The following GRM8 variants were observed in gnomAD, a reference collection of about 807,000 sequenced individuals.
GRM8 encodes glutamate metabotropic receptor 8, also known as metabotropic glutamate receptor 8.
Under a neutral mutation model 87.2 loss-of-function variants are expected in GRM8, and 47 were observed. That is an observed-to-expected ratio of 0.54 (90% CI 0.43 to 0.69). The LOEUF (loss-of-function observed/expected upper bound fraction) is 0.69. Among genes scored for constraint, GRM8 ranks in the 30% least tolerant of loss-of-function variants. The pLI is 0.00. For missense variants in GRM8, 1,019 were observed against 1,139.2 expected (o/e 0.89, Z 1.52); for synonymous variants, 396 against 404.5 (o/e 0.98, Z 0.25).
chr7:126,930,462 C>A (rs980324427), intron 3 of GRM8, among the ~76,000 whole-genome samples: 4 of 152,164 alleles, frequency 2.6e-5, no homozygotes, highest in South Asian at 2.1e-4. Context: ...TCTGGTCTTG[C>A]CGAGTCCTCC....
chr7:126,629,866 T>C (rs1801081659), intron 7 of GRM8, among the ~76,000 whole-genome samples: 1 of 152,150 alleles, frequency 6.6e-6, no homozygotes, highest in Non-Finnish European at 1.5e-5. Context: ...AAAATTGCTG[T>C]CAATTAAAAA....
intron 8 of GRM8, among the ~76,000 whole-genome samples, chr7:126,599,470 T>G (rs1797528514): frequency 6.6e-6 from 1 of 152,174 alleles, no homozygotes; most frequent in Admixed American, 6.6e-5. Flanking sequence ...AATTTATTCA[T>G]GAACATTTAG....
At chr7:126,803,390 C>T (rs1446037975) in intron 6 of GRM8, among the ~76,000 whole-genome samples, 1 of 152,114 alleles carries the variant, frequency 6.6e-6, no homozygotes, top group East Asian at 1.9e-4. Context: ...ACACAGCCTC[C>T]AGCACTTAGT....
intron 7 of GRM8, among the ~76,000 whole-genome samples, chr7:126,707,391 A>C (rs1810636210): frequency 6.6e-6 from 1 of 152,210 alleles, no homozygotes; most frequent in Admixed American, 6.6e-5. Flanking sequence ...GATGACTACT[A>C]TAATGGCATG....
chr7:126,526,593 CA>C (rs1394380852), intron 9 of GRM8, among the ~76,000 whole-genome samples: 1 of 152,136 alleles, frequency 6.6e-6, no homozygotes, highest in Non-Finnish European at 1.5e-5. Flanking sequence ...TCAGAACCCC[CA>C]AAAGTAGGAT....
Position 126,609,498 on chromosome 7 carries a change from C to A in GRM8, c.1358G>T (p.Gly453Val), listed in dbSNP as rs1179511122. The A allele has an allele frequency of 6.2e-7, 1 of 1,607,046 alleles. No individual in the cohort carries two copies. The highest frequency in any genetic ancestry group is 8.5e-7 in the Non-Finnish European group (1 of 1,176,222). Residue 453 changes from glycine to valine, a missense_variant and splice_region_variant, in exon 8 of 11, where the codon GGC (glycine) becomes GTC (valine). Coordinates refer to ENST00000339582, the MANE Select transcript of GRM8 (RefSeq NM_000845.3). ...AAAAGTGACAGGAGTGCCAGCACTG[C>A]CTATAAAGATTTAGAAAACAATGTT... ...LGYIRAVNFN[G>V]SAGTPVTFNE...
intron 9 of GRM8, among the ~76,000 whole-genome samples, chr7:126,484,578 T>A (rs981927979): frequency 9.2e-5 from 14 of 152,044 alleles, no homozygotes; most frequent in African/African-American, 3.4e-4. Flanking sequence ...ACTACTTAAA[T>A]TACTTTACTT....
chr7:126,843,577 G>A (rs554886224), intron 6 of GRM8, among the ~76,000 whole-genome samples: 61 of 152,320 alleles, frequency 4.0e-4, no homozygotes, highest in African/African-American at 1.4e-3. Context: ...GATTGTTCTG[G>A]CAAACACATA....
chr7:126,808,825 T>C (rs1793023788), intron 6 of GRM8, among the ~76,000 whole-genome samples: 1 of 152,190 alleles, frequency 6.6e-6, no homozygotes, highest in Admixed American at 6.5e-5. Context: ...TTGTGTCTGC[T>C]CTGGTATGTC....
At chr7:126,676,211 A>G (rs1806943192) in intron 7 of GRM8, among the ~76,000 whole-genome samples, 1 of 152,162 alleles carries the variant, frequency 6.6e-6, no homozygotes, top group Non-Finnish European at 1.5e-5. Context: ...AGACTATCAC[A>G]TGCTGCTGAA....
chr7:126,623,574 C>T (rs2151149179), intron 7 of GRM8, among the ~76,000 whole-genome samples: 1 of 152,286 alleles, frequency 6.6e-6, no homozygotes, highest in East Asian at 1.9e-4. Flanking sequence ...TGCTCCCTCG[C>T]TCCAACACTC....
chr7:127,160,921 C>T (rs908359416), intron 2 of GRM8, among the ~76,000 whole-genome samples: 1 of 151,980 alleles, frequency 6.6e-6, no homozygotes, highest in African/African-American at 2.4e-5. Context: ...GTGGATCAAA[C>T]ACCAAAAAGC....
At chr7:127,012,543 G>C (rs375622920) in intron 3 of GRM8, among the ~76,000 whole-genome samples, 4 of 152,054 alleles carry the variant, frequency 2.6e-5, no homozygotes, top group South Asian at 4.2e-4. Flanking sequence ...TACTTAAATA[G>C]CATTTTTACT....
intron 6 of GRM8, among the ~76,000 whole-genome samples, chr7:126,819,283 C>CACACACACAG (rs1293183672): frequency 2.6e-5 from 4 of 151,698 alleles, no homozygotes; most frequent in Non-Finnish European, 5.9e-5. Flanking sequence ...CATACACACA[C>CACACACACAG]ACACACACAC....
chr7:127,221,888 C>G (rs1273186562), intron 2 of GRM8, among the ~76,000 whole-genome samples: 1 of 152,136 alleles, frequency 6.6e-6, no homozygotes, highest in African/African-American at 2.4e-5. Flanking sequence ...AGCACCAAGT[C>G]CCTCCCTCCT....
intron 9 of GRM8, among the ~76,000 whole-genome samples, chr7:126,502,511 G>T (rs1809798119): frequency 6.6e-6 from 1 of 152,046 alleles, no homozygotes; most frequent in Admixed American, 6.6e-5. Context: ...ATGAATATTT[G>T]CATTTGACTT....
At chr7:126,546,364 G>A (rs902970435) in intron 8 of GRM8, among the ~76,000 whole-genome samples, 2 of 152,062 alleles carry the variant, frequency 1.3e-5, no homozygotes, top group Non-Finnish European at 2.9e-5. Context: ...CAATGCTCCC[G>A]GGGCAGTGCA....
chr7:126,771,310 T>G (rs1441975320), intron 6 of GRM8, among the ~76,000 whole-genome samples: 1 of 152,052 alleles, frequency 6.6e-6, no homozygotes, highest in Non-Finnish European at 1.5e-5. Context: ...ATCGAATTAT[T>G]GTTTTTGTTC....
chr7:126,763,208 T>A (rs1239515198), intron 7 of GRM8, among the ~76,000 whole-genome samples: 1 of 151,684 alleles, frequency 6.6e-6, no homozygotes, highest in African/African-American at 2.4e-5. Flanking sequence ...ATGGCATTTT[T>A]TAAAATAATT....
Sources: gnomAD v4.1 joint callset for allele counts (sites outside exome capture counted in the v4.1 genomes callset) on GRCh38, gnomAD v4.1.1 for gene constraint, MANE v1.5 for transcripts, NCBI Gene and HGNC (gene_info 2026-07-23, HGNC 2026-07-21) for gene names.